Variants in CDH18 observed in about 807,000 individuals in gnomAD.
CDH18 encodes the protein cadherin 18.
Under a neutral mutation model 67.9 loss-of-function variants are expected in CDH18, and 31 were observed. The ratio of observed to expected loss-of-function variants is 0.46; its 90% CI spans 0.34 to 0.62. The LOEUF (loss-of-function observed/expected upper bound fraction) is 0.62, where lower values mean the gene tolerates loss of function less well. Among genes scored for constraint, CDH18 ranks in the 20% least tolerant of loss-of-function variants. The pLI, the probability that CDH18 is intolerant of heterozygous loss-of-function variation, is 0.01. For synonymous variants in CDH18, 362 were observed against 347.2 expected (o/e 1.04, Z -0.48); for missense variants, 890 against 975.5 (o/e 0.91, Z 1.17).
intron 2 of CDH18, among the ~76,000 whole-genome samples, chr5:19,920,092 G>A (rs138103648): frequency 6.6e-6 from 1 of 152,216 alleles, no homozygotes; most frequent in Non-Finnish European, 1.5e-5. Flanking sequence ...ACAACATTAG[G>A]AAGCACTGTT....
intron 10 of CDH18, among the ~76,000 whole-genome samples, chr5:19,510,157 C>T (rs531195635): frequency 2.0e-5 from 3 of 152,114 alleles, no homozygotes; most frequent in African/African-American, 4.8e-5. Flanking sequence ...AAACTGATTT[C>T]GCCAATTGTT....
chr5:19,608,322 A>T (rs1748400419), intron 6 of CDH18, among the ~76,000 whole-genome samples: 1 of 151,758 alleles, frequency 6.6e-6, no homozygotes, highest in African/African-American at 2.4e-5. Context: ...ATCATTTTCA[A>T]AAGACACTAG....
intron 10 of CDH18, among the ~76,000 whole-genome samples, chr5:19,510,377 C>A (rs902370378): frequency 6.6e-6 from 1 of 152,122 alleles, no homozygotes; most frequent in Non-Finnish European, 1.5e-5. Flanking sequence ...GCTACACTTA[C>A]AAACAATCTT....
At chr5:20,347,711 G>T (rs1281596806) in intron 1 of CDH18, among the ~76,000 whole-genome samples, 2 of 152,138 alleles carry the variant, frequency 1.3e-5, no homozygotes, top group Non-Finnish European at 2.9e-5. Context: ...TGTGTGTTTA[G>T]CCCCTCCATG....
intron 2 of CDH18, among the ~76,000 whole-genome samples, chr5:20,095,099 G>C (rs889728420): frequency 2.6e-5 from 4 of 151,818 alleles, no homozygotes; most frequent in Non-Finnish European, 1.5e-5. Context: ...AGTGGAAGTT[G>C]AACAATGAGA....
At chr5:20,269,030 AC>A (rs1384643981) in intron 1 of CDH18, among the ~76,000 whole-genome samples, 2 of 152,192 alleles carry the variant, frequency 1.3e-5, no homozygotes, top group East Asian at 3.9e-4. Context: ...CTGAACACCA[AC>A]AACAGCAAAA....
At chr5:19,842,170 G>T (rs988771134) in intron 2 of CDH18, among the ~76,000 whole-genome samples, 3 of 152,182 alleles carry the variant, frequency 2.0e-5, no homozygotes, top group African/African-American at 7.2e-5. Context: ...AGACCCTTCT[G>T]CTTTCATGGA....
In CDH18 at chr5:20,071,240, A is replaced by T. The variant is rs540837750; in HGVS notation, c.-517-79226T>A. Reference sequence around the variant, plus strand: ...GTATTTTTTTTCTCGGTTGCCACTGAAACAGTATTGAAGATCCTGTCAAGA... The same window carrying T: ...GTATTTTTTTTCTCGGTTGCCACTGTAACAGTATTGAAGATCCTGTCAAGA... On this transcript the variant is annotated intron_variant, in intron 2 of 14. Transcript: ENST00000507958. Among the ~76,000 whole-genome samples the T allele has an allele frequency of 7.2e-5, 11 of 152,222 alleles. No individual in the cohort carries two copies. The South Asian group carries it at 2.1e-3, about 29-fold the overall frequency.
At chr5:20,361,479 G>A (rs1376575559) in intron 1 of CDH18, among the ~76,000 whole-genome samples, 1 of 151,894 alleles carries the variant, frequency 6.6e-6, no homozygotes, top group African/African-American at 2.4e-5. Flanking sequence ...TTATTCACAG[G>A]TTTTCTTTAT....
intron 2 of CDH18, among the ~76,000 whole-genome samples, chr5:20,053,236 T>C (rs191481472): frequency 1.5e-4 from 22 of 151,424 alleles, no homozygotes; most frequent in African/African-American, 5.3e-4. Flanking sequence ...ATATGATACA[T>C]AAATATATAT....
chr5:19,612,229 T>C (rs164528), intron 6 of CDH18, among the ~76,000 whole-genome samples: 99,479 of 151,920 alleles, frequency 0.65, 33,005 homozygotes, highest in South Asian at 0.76. Context: ...ACTCCAACTC[T>C]GAACACATTC....
chr5:19,652,608 A>G (rs1342044110), intron 5 of CDH18, among the ~76,000 whole-genome samples: 1 of 152,132 alleles, frequency 6.6e-6, no homozygotes, highest in East Asian at 1.9e-4. Flanking sequence ...CAATGCTGCA[A>G]AACAGTTGGC....
intron 3 of CDH18, among the ~76,000 whole-genome samples, chr5:19,812,393 T>A (rs958476480): frequency 4.6e-5 from 7 of 152,150 alleles, no homozygotes; most frequent in African/African-American, 1.4e-4. Flanking sequence ...AAAGTGCATG[T>A]AGAACGTAGA....
In CDH18 at chr5:19,557,937, C is replaced by G. The variant is rs533328028; in HGVS notation, c.1253+13642G>C. Among the ~76,000 whole-genome samples the G allele has an allele frequency of 4.7e-4, 71 of 152,060 alleles. 1 individual carries two copies. Among genetic ancestry groups the G allele is most frequent in the Middle Eastern group, 3.4e-3 (1 of 294 alleles). On this transcript the variant is annotated intron_variant, in intron 8 of 12. Coordinates refer to ENST00000382275, the MANE Select transcript of CDH18 (RefSeq NM_004934.5). ...AAATTTAAGAAAATCAAAATTATAT[C>G]AAGTACTCTCTCAAACCATATTGGA...
intron 1 of CDH18, among the ~76,000 whole-genome samples, chr5:20,331,742 A>G (rs1190909547): frequency 3.3e-5 from 5 of 152,152 alleles, no homozygotes; most frequent in Non-Finnish European, 7.3e-5. Context: ...AACTTCCTGA[A>G]GTCTCAAGGT....
intron 2 of CDH18, among the ~76,000 whole-genome samples, chr5:20,163,799 TACA>T (rs1736073362): frequency 6.6e-6 from 1 of 152,228 alleles, no homozygotes; most frequent in Non-Finnish European, 1.5e-5. Flanking sequence ...TGTGCAAACA[TACA>T]ACAACCCATG....
intron 1 of CDH18, among the ~76,000 whole-genome samples, chr5:20,391,906 A>C (rs1744895093): frequency 6.7e-6 from 1 of 148,632 alleles, no homozygotes; most frequent in African/African-American, 2.5e-5. Context: ...GAACAGTATT[A>C]ATTTTCACAG....
At chr5:19,807,645 T>G (rs1778171021) in intron 3 of CDH18, among the ~76,000 whole-genome samples, 1 of 152,186 alleles carries the variant, frequency 6.6e-6, no homozygotes, top group African/African-American at 2.4e-5. Context: ...TCAGGATTTT[T>G]ACACATGTTA....
intron 1 of CDH18, among the ~76,000 whole-genome samples, chr5:20,481,940 GAAT>G (rs1219081463): frequency 6.6e-6 from 1 of 150,584 alleles, no homozygotes; most frequent in Non-Finnish European, 1.5e-5. Flanking sequence ...AGAAAAAAAG[GAAT>G]AATAAATATC....
Sources: allele counts gnomAD v4.1 joint callset (sites outside exome capture counted in the v4.1 genomes callset), GRCh38; gene constraint gnomAD v4.1.1; transcripts MANE v1.5; gene names NCBI Gene and HGNC (gene_info 2026-07-23, HGNC 2026-07-21).